The following CXXC5 variants were observed in gnomAD, a reference collection of about 807,000 sequenced individuals.
CXXC5 encodes CXXC finger protein 5, also known as CXXC-type zinc finger protein 5.
A neutral mutation model predicts 17.6 loss-of-function variants in CXXC5; 2 were observed. The observed-to-expected ratio is 0.11, with a 90% CI of 0.05 to 0.36. The LOEUF (loss-of-function observed/expected upper bound fraction) is 0.36, where lower values mean the gene tolerates loss of function less well. Among genes scored for constraint, CXXC5 ranks in the 10% least tolerant of loss-of-function variants. The pLI, the probability that CXXC5 is intolerant of heterozygous loss-of-function variation, is 1.00. For missense variants in CXXC5, 343 were observed against 458.3 expected, an observed-to-expected ratio of 0.75 and a Z score of 2.30; for synonymous variants, 171 against 193.0, an observed-to-expected ratio of 0.89 and a Z score of 0.94.
At chr5:139,675,039 T>A (rs1026414451) in intron 1 of CXXC5, among the ~76,000 whole-genome samples, 4 of 152,126 alleles carry the variant, frequency 2.6e-5, no homozygotes, top group African/African-American at 9.7e-5. Flanking sequence ...AGATAGCTCA[T>A]TGTGTCCCCT....
In CXXC5 at chr5:139,668,956, C is replaced by T. The variant is rs1756291141; in HGVS notation, c.-160-11408C>T. ...TTTAGGGAGCTGGGCTTTGTATACC[C>T]CTCCCAGTCTCCTCTCTTGGGGGGT... On this transcript the variant is annotated intron_variant, in intron 1 of 2. Coordinates refer to ENST00000302517, the MANE Select transcript of CXXC5 (RefSeq NM_016463.9). The surrounding 1 kb of genome is among the most constrained non-coding windows in gnomAD (Gnocchi z 4.1). Among the ~76,000 whole-genome samples the T allele has an allele frequency of 6.6e-6, 1 of 152,112 alleles. No individual in the cohort carries two copies. Among genetic ancestry groups the T allele is most frequent in the Admixed American group, 6.5e-5 (1 of 15,276 alleles).
chr5:139,660,686 CAT>C (rs1340615775), intron 1 of CXXC5, among the ~76,000 whole-genome samples: 3 of 148,254 alleles, frequency 2.0e-5, no homozygotes, highest in Admixed American at 6.8e-5. Context: ...CCTCTACCCT[CAT>C]GTGGGTGGGG....
intron 1 of CXXC5, among the ~76,000 whole-genome samples, chr5:139,673,853 A>AG (rs201535043): frequency 0.32 from 47,049 of 146,152 alleles, 7,700 homozygotes; most frequent in Middle Eastern, 0.4. Flanking sequence ...AAAAAAAAAA[A>AG]AAGAGAGAGA....
Position 139,658,187 on chromosome 5 carries a change from T to C in CXXC5, c.-161+9342T>C, listed in dbSNP as rs1192004453. ...TCATAGCAGTAGGCAGAAGTGGACC[T>C]GGCCCCCTTTCTTCCTGGGGCGGTC... On this transcript the variant is annotated intron_variant, in intron 1 of 2. Transcript: ENST00000302517. The surrounding 1 kb of genome is among the most constrained non-coding windows in gnomAD (Gnocchi z 4.1). Among the ~76,000 whole-genome samples, 7 of 152,162 alleles carry C rather than the reference T, an allele frequency of 4.6e-5. No homozygotes were observed. The highest frequency in any genetic ancestry group is 1.0e-4 in the Non-Finnish European group (7 of 68,026).
intron 1 of CXXC5, among the ~76,000 whole-genome samples, chr5:139,652,953 AGTGGTT>A (rs1755289075): frequency 1.3e-5 from 2 of 152,016 alleles, no homozygotes; most frequent in Admixed American, 1.3e-4. Context: ...CTGTATGGAC[AGTGGTT>A]TCTCTCTGTC....
intron 1 of CXXC5, among the ~76,000 whole-genome samples, chr5:139,651,497 G>T (rs1755176902): frequency 6.6e-6 from 1 of 152,176 alleles, no homozygotes; most frequent in African/African-American, 2.4e-5. Context: ...CTCAACTCTT[G>T]CTGCCCCTTT....
chr5:139,650,540 C>T (rs1755111591), intron 1 of CXXC5, among the ~76,000 whole-genome samples: 1 of 152,326 alleles, frequency 6.6e-6, no homozygotes, highest in Admixed American at 6.5e-5. Flanking sequence ...GGCCGCCTGG[C>T]GGGGGCTGCG....
intron 1 of CXXC5, among the ~76,000 whole-genome samples, chr5:139,669,887 C>T (rs968965548): frequency 6.6e-6 from 1 of 152,214 alleles, no homozygotes; most frequent in African/African-American, 2.4e-5. Context: ...CCTCCAGACC[C>T]CCCAACCCCA....
In CXXC5 at chr5:139,683,173, G is replaced by A; in HGVS notation, c.*266G>A. The A allele has an allele frequency of 3.0e-6, 1 of 334,322 alleles. No individual in the cohort carries two copies. The highest frequency in any genetic ancestry group is 5.3e-6 in the Non-Finnish European group (1 of 187,214). 20.7% of individuals were successfully genotyped at this position (334,322 alleles called of 1,614,324 possible). A position where few individuals can be genotyped will look rare whatever the true frequency, so the allele number is the denominator to read the frequency against. Reference sequence around the variant, plus strand: ...AAAGAGGTAAAGACGAATCTATAAAGTACCGAGACTTCCTGGGCAAAGAAT... The same window carrying A: ...AAAGAGGTAAAGACGAATCTATAAAATACCGAGACTTCCTGGGCAAAGAAT... On this transcript the variant is annotated 3_prime_UTR_variant, in exon 3 of 3. Transcript: ENST00000302517.
intron 1 of CXXC5, among the ~76,000 whole-genome samples, chr5:139,659,243 G>C (rs879659415): frequency 5.9e-5 from 9 of 152,142 alleles, no homozygotes; most frequent in Non-Finnish European, 1.2e-4. Context: ...GGTGACTCCC[G>C]GGGAAGGACT....
intron 1 of CXXC5, among the ~76,000 whole-genome samples, chr5:139,656,674 G>A (rs924864711): frequency 2.0e-5 from 3 of 152,180 alleles, no homozygotes; most frequent in Non-Finnish European, 2.9e-5. Context: ...AAGAACTTTA[G>A]CTGCTGCTGT....
intron 1 of CXXC5, among the ~76,000 whole-genome samples, chr5:139,672,940 C>T (rs757779231): frequency 5.3e-5 from 8 of 152,166 alleles, no homozygotes; most frequent in Non-Finnish European, 7.4e-5. Context: ...AAGGACAGTG[C>T]GCCATCTCTG....
chr5:139,651,209 G>C (rs1006597948), intron 1 of CXXC5: 2 of 152,318 alleles, frequency 1.3e-5, no homozygotes, highest in Non-Finnish European at 2.9e-5. Context: ...GCTGGCTGTC[G>C]GGTTGGTGCC....
upstream of CXXC5, chr5:139,647,870 C>T (rs1300689080): frequency 6.6e-6 from 1 of 152,064 alleles, no homozygotes; most frequent in African/African-American, 2.4e-5. Flanking sequence ...GCGTCTACCT[C>T]CCAGGACCCT....
intron 1 of CXXC5, among the ~76,000 whole-genome samples, chr5:139,662,846 G>A (rs541947614): frequency 7.2e-5 from 11 of 152,336 alleles, no homozygotes; most frequent in African/African-American, 1.9e-4. Context: ...CCTCATGTTT[G>A]TCACCTGTGA....
At chr5:139,672,096 T>A (rs1478353314) in intron 1 of CXXC5, among the ~76,000 whole-genome samples, 3 of 152,188 alleles carry the variant, frequency 2.0e-5, no homozygotes, top group Non-Finnish European at 1.5e-5. Context: ...GCTGTTTATT[T>A]TTTTTTATTT....
intron 1 of CXXC5, among the ~76,000 whole-genome samples, chr5:139,656,378 G>GGA (rs1755498233): frequency 6.6e-6 from 1 of 152,206 alleles, no homozygotes; most frequent in African/African-American, 2.4e-5. Flanking sequence ...CTGTGCTCCT[G>GGA]GCATCACTGG....
At position 139,661,179 on chromosome 5, in the gene CXXC5, GC is replaced by G. The variant is rs747824175; in HGVS notation, c.-161+12341del. The stretch of plus-strand genomic sequence containing the variant: ...CCTCCCCGCCGCGGCTGCCCGCGCC[GC>G]CCCCCCACCTCTTGCGCTGTCGGCC... On this transcript the variant is annotated intron_variant, in intron 1 of 2. Coordinates refer to ENST00000302517, the MANE Select transcript of CXXC5 (RefSeq NM_016463.9). The surrounding 1 kb of genome is among the most constrained non-coding windows in gnomAD (Gnocchi z 4.7). 2.6e-5 allele frequency among the ~76,000 whole-genome samples: 4 copies of G among 151,962 alleles called. No homozygotes were observed. Among genetic ancestry groups the G allele is most frequent in the African/African-American group, 7.3e-5 (3 of 41,328 alleles).
chr5:139,680,575 AGCACCAATG>A lies in CXXC5; in HGVS notation c.56_64del (p.Thr19_Gly21del). On this transcript the variant is annotated inframe_deletion, in exon 2 of 3. Transcript: ENST00000302517. Reference sequence around the variant, plus strand: ...GGATGCCGGCGGCAGTAGCAGCAGCAGCACCAATGGCAGCGGTGGCAGTGGCAGCAGTGG... The same window carrying A: ...GGATGCCGGCGGCAGTAGCAGCAGCAGCAGCGGTGGCAGTGGCAGCAGTGG... 6.3e-7 allele frequency: 1 copy of A among 1,597,792 alleles called. No homozygotes were observed. Among genetic ancestry groups the A allele is most frequent in the Non-Finnish European group, 8.5e-7 (1 of 1,173,232 alleles).
Sources: allele counts gnomAD v4.1 joint callset (sites outside exome capture counted in the v4.1 genomes callset), GRCh38; gene constraint gnomAD v4.1.1; non-coding constraint Gnocchi (gnomAD v3.1); transcripts MANE v1.5; gene names NCBI Gene and HGNC (gene_info 2026-07-23, HGNC 2026-07-21).